TAFA5: variants seen among roughly 807,000 people sequenced by gnomAD.
TAFA5 encodes the protein TAFA chemokine like family member 5.
Under a neutral mutation model 15.3 loss-of-function variants are expected in TAFA5, and 6 were observed. The observed-to-expected ratio is 0.39, with a 90% CI of 0.21 to 0.77. TAFA5 has a LOEUF of 0.77. Among genes scored for constraint, TAFA5 ranks in the 30% least tolerant of loss-of-function variants. TAFA5 has a pLI of 0.41. For missense variants in TAFA5, 161 were observed against 193.1 expected (o/e 0.83, Z 0.98); for synonymous variants, 103 against 80.7 (o/e 1.28, Z -1.48).
chr22:48,716,616 C>T (rs1474761257), intron 3 of TAFA5, among the ~76,000 whole-genome samples: 5 of 152,110 alleles, frequency 3.3e-5, no homozygotes, highest in African/African-American at 4.8e-5. Context: ...AGCAAACCAC[C>T]GTGGCACATG....
At chr22:48,599,350 G>C (rs1287969937) in intron 1 of TAFA5, among the ~76,000 whole-genome samples, 1 of 152,236 alleles carries the variant, frequency 6.6e-6, no homozygotes, top group Non-Finnish European at 1.5e-5. Flanking sequence ...TCTGGAGATG[G>C]CAAGGGCTTG....
chr22:48,499,834 G>C (rs1191691430), intron 1 of TAFA5, among the ~76,000 whole-genome samples: 1 of 152,178 alleles, frequency 6.6e-6, no homozygotes. Context: ...TCGTGCATGT[G>C]GTGGGCTGGG....
In TAFA5 at chr22:48,708,470, G is replaced by A. The variant is rs6010485; in HGVS notation, c.390+626G>A. Among the ~76,000 whole-genome samples, 606 of 152,336 alleles carry A rather than the reference G, an allele frequency of 4.0e-3. 6 individuals carry two copies. Among genetic ancestry groups the A allele is most frequent in the African/African-American group, 0.014 (579 of 41,590 alleles). ...AGGGCGGGAGCTTGGGGAACGCCGG[G>A]TGGACATGGGCCTTTTCTGAAGGCG... is the stretch of plus-strand genomic sequence containing the variant. On this transcript the variant is annotated intron_variant, in intron 3 of 3. Transcript: ENST00000402357.
chr22:48,495,522 A>G (rs889486198), intron 1 of TAFA5, among the ~76,000 whole-genome samples: 4 of 152,122 alleles, frequency 2.6e-5, no homozygotes, highest in Non-Finnish European at 4.4e-5. Flanking sequence ...CCCAAGATCT[A>G]GCTCTGGATC....
rs1000812110 is a variant in TAFA5, at chr22:48,598,247, C to G, written c.113-48350C>G. 6.6e-6 allele frequency among the ~76,000 whole-genome samples: 1 copy of G among 152,176 alleles called. No individual in the cohort carries two copies. Among genetic ancestry groups the G allele is most frequent in the Non-Finnish European group, 1.5e-5 (1 of 68,044 alleles). ...GCCCACCCACAGTATGGAAGGCCATCTGCTTTATTCAAAATCACCGATTCA... is the reference window on the plus strand; with the variant it reads ...GCCCACCCACAGTATGGAAGGCCATGTGCTTTATTCAAAATCACCGATTCA... On this transcript the variant is annotated intron_variant, in intron 1 of 3. Coordinates refer to ENST00000402357, the MANE Select transcript of TAFA5 (RefSeq NM_001082967.3). This position sits in a 1 kb window ranked among gnomAD's most constrained non-coding sequence, Gnocchi z 4.0.
At chr22:48,564,463 G>A (rs1213709612) in intron 1 of TAFA5, among the ~76,000 whole-genome samples, 2 of 152,356 alleles carry the variant, frequency 1.3e-5, no homozygotes, top group East Asian at 3.9e-4. Context: ...TTCCAAGCTT[G>A]CAGCTGCAGG....
intron 3 of TAFA5, among the ~76,000 whole-genome samples, chr22:48,737,987 TG>T (rs112151421): frequency 6.6e-6 from 1 of 151,654 alleles, no homozygotes; most frequent in South Asian, 2.1e-4. Context: ...GGGATGCTGT[TG>T]GGGGGGCTCT....
At chr22:48,647,572 C>T (rs974470888) in intron 2 of TAFA5, among the ~76,000 whole-genome samples, 7 of 152,098 alleles carry the variant, frequency 4.6e-5, no homozygotes, top group Non-Finnish European at 7.4e-5. Flanking sequence ...CAGTGTGTCC[C>T]GGGAAGGCAT....
At chr22:48,562,594 A>G (rs73425908) in intron 1 of TAFA5, among the ~76,000 whole-genome samples, 4 of 152,104 alleles carry the variant, frequency 2.6e-5, no homozygotes, top group East Asian at 1.9e-4. Context: ...GAGGGGGGGA[A>G]TTTAGCTCCT....
At position 48,750,795 on chromosome 22, in the gene TAFA5, A is replaced by T. The variant is rs1189282900; in HGVS notation, c.*948A>T. The T allele has an allele frequency of 1.3e-5, 2 of 152,644 alleles. No homozygotes were observed. The highest frequency in any genetic ancestry group is 3.9e-4 in the East Asian group (2 of 5,194). The allele number at this position is 152,644 out of a possible 1,614,324, so 9.5% of individuals were successfully genotyped here. On this transcript the variant is annotated 3_prime_UTR_variant, in exon 4 of 4. Transcript: ENST00000402357. ...CTCGAGTAACACTTGTTTGAAAGAG[A>T]TCATTAAATGTATTTTGCAAAGCCT...
intron 1 of TAFA5, among the ~76,000 whole-genome samples, chr22:48,597,655 C>T (rs1267345716): frequency 1.3e-5 from 2 of 152,290 alleles, no homozygotes; most frequent in East Asian, 3.8e-4. Flanking sequence ...AACCCCACCA[C>T]ATGCGGTTAT....
chr22:48,650,476 G>T (rs1021581999), intron 2 of TAFA5, among the ~76,000 whole-genome samples: 1 of 152,104 alleles, frequency 6.6e-6, no homozygotes, highest in African/African-American at 2.4e-5. Flanking sequence ...ACTTTTTCCC[G>T]CTGGGACCTC....
rs767967611 is a variant in TAFA5 at position 48,707,769 on chromosome 22, G to C, written c.315G>C (p.Gly105=). The part of the protein sequence containing the change: ...QWCDMLPCLE[G]EGCDLLINRS... ...GTGACATGCTTCCGTGTCTGGAGGG[G>C]GAAGGCTGCGACTTGTTAATCAACC... The change falls in exon 3 of 4, where the codon GGG becomes GGC. Residue 105 remains glycine, a synonymous_variant. Transcript: ENST00000402357. 6.2e-7 allele frequency: 1 copy of C among 1,613,928 alleles called. No homozygotes were observed. The highest frequency in any genetic ancestry group is 8.5e-7 in the Non-Finnish European group (1 of 1,179,868).
intron 1 of TAFA5, among the ~76,000 whole-genome samples, chr22:48,507,920 C>A (rs1430894011): frequency 1.3e-5 from 2 of 152,170 alleles, no homozygotes; most frequent in Non-Finnish European, 2.9e-5. Context: ...CAGCCCTGGC[C>A]TGGCCCACAC....
chr22:48,643,614 AG>A (rs978456039), intron 1 of TAFA5, among the ~76,000 whole-genome samples: 1 of 152,182 alleles, frequency 6.6e-6, no homozygotes, highest in African/African-American at 2.4e-5. Flanking sequence ...GTAGCACCTG[AG>A]GGGTGTGCTG....
intron 2 of TAFA5, among the ~76,000 whole-genome samples, chr22:48,694,655 T>C (rs1345443585): frequency 6.6e-6 from 1 of 152,040 alleles, no homozygotes; most frequent in East Asian, 1.9e-4. Flanking sequence ...TCCCGGGCAG[T>C]GCCTCATCTG....
intron 2 of TAFA5, 102 bp downstream of exon 2, chr22:48,646,848 C>A: frequency 7.3e-7 from 1 of 1,378,674 alleles, no homozygotes; most frequent in Non-Finnish European, 9.7e-7. Context: ...CCCCCTAGGC[C>A]TCAGCGCATC....
intron 1 of TAFA5, among the ~76,000 whole-genome samples, chr22:48,527,955 G>A (rs1281247669): frequency 6.6e-6 from 1 of 152,216 alleles, no homozygotes; most frequent in Non-Finnish European, 1.5e-5. Context: ...CTTCTGAGAT[G>A]CACTTTTACT....
At position 48,736,451 on chromosome 22, in the gene TAFA5, TCCCCCCAGGAGGAA is replaced by T. The variant is rs1930029531; in HGVS notation, c.391-13387_391-13374del. 1.0e-4 allele frequency among the ~76,000 whole-genome samples: 2 copies of T among 19,052 alleles called. 1 individual carries two copies. Among genetic ancestry groups the T allele is most frequent in the Non-Finnish European group, 1.9e-4 (2 of 10,782 alleles). The allele number at this position is 19,052 out of a possible 152,430, so 12.5% of individuals were successfully genotyped here. On this transcript the variant is annotated intron_variant, in intron 3 of 3. Transcript: ENST00000402357. ...ATGAGAATCGCACTCCTAGGGTCCATCCCCCCAGGAGGAATGAGAACCGCACTCCTAGGGTCCAT... is the reference window on the plus strand; with the variant it reads ...ATGAGAATCGCACTCCTAGGGTCCATTGAGAACCGCACTCCTAGGGTCCAT...
Sources: gnomAD v4.1 joint callset for allele counts (sites outside exome capture counted in the v4.1 genomes callset) on GRCh38, gnomAD v4.1.1 for gene constraint, Gnocchi (gnomAD v3.1) non-coding constraint, MANE v1.5 for transcripts, NCBI Gene and HGNC (gene_info 2026-07-23, HGNC 2026-07-21) for gene names.